The following GRIK2 variants were observed in gnomAD, a reference collection of about 807,000 sequenced individuals.
GRIK2 encodes the protein glutamate receptor ionotropic, kainate 2.
GRIK2 carries 32 observed loss-of-function variants against 100.3 expected under a neutral mutation model. The observed-to-expected ratio is 0.32, with a 90% CI of 0.24 to 0.43. GRIK2 has a LOEUF of 0.43. GRIK2 is among the 20% of genes least tolerant of loss of function. The pLI is 1.00. For synonymous variants in GRIK2, 417 were observed against 389.4 expected (o/e 1.07, Z -0.83); for missense variants, 843 against 1,114.9 (o/e 0.76, Z 3.47).
At chr6:101,614,118 T>C (rs1779797459) in intron 2 of GRIK2, among the ~76,000 whole-genome samples, 1 of 151,634 alleles carries the variant, frequency 6.6e-6, no homozygotes, top group Non-Finnish European at 1.5e-5. Flanking sequence ...ATTTACAGAT[T>C]GTATGATTCT....
At chr6:101,975,871 CTGTCATCTATTTAATCTA>C (rs1399427320) in intron 14 of GRIK2, among the ~76,000 whole-genome samples, 1 of 151,708 alleles carries the variant, frequency 6.6e-6, no homozygotes, top group Non-Finnish European at 1.5e-5. Flanking sequence ...ATCCATTCAA[CTGTCATCTATTTAATCTA>C]TTTTTCTTTG....
At chr6:101,577,760 A>G (rs969771768) in intron 2 of GRIK2, among the ~76,000 whole-genome samples, 2 of 152,184 alleles carry the variant, frequency 1.3e-5, no homozygotes, top group Non-Finnish European at 2.9e-5. Flanking sequence ...CTCTCCTTAC[A>G]TTGCGTGAAT....
At chr6:101,657,329 G>A (rs754812972) in intron 4 of GRIK2, among the ~76,000 whole-genome samples, 16 of 152,086 alleles carry the variant, frequency 1.1e-4, no homozygotes, top group East Asian at 3.9e-4. Flanking sequence ...CTGTCCTGCC[G>A]CCATGTAAGA....
chr6:101,615,954 C>A (rs1442747697), intron 2 of GRIK2, among the ~76,000 whole-genome samples: 2 of 151,664 alleles, frequency 1.3e-5, no homozygotes, highest in African/African-American at 4.8e-5. Flanking sequence ...AGTATATATG[C>A]CCCTGATTTC....
intron 2 of GRIK2, chr6:101,430,986 C>A: frequency 7.4e-6 from 2 of 269,030 alleles, no homozygotes; most frequent in South Asian, 5.1e-5. Context: ...TAAGTGACCC[C>A]ATCTCCAGAG....
At chr6:101,660,979 T>C (rs1352002420) in intron 4 of GRIK2, among the ~76,000 whole-genome samples, 4 of 152,174 alleles carry the variant, frequency 2.6e-5, no homozygotes, top group African/African-American at 9.6e-5. Context: ...GGAGGCATTC[T>C]GTTCCTTAGC....
At chr6:101,468,441 G>A (rs1209912815) in intron 2 of GRIK2, among the ~76,000 whole-genome samples, 1 of 151,998 alleles carries the variant, frequency 6.6e-6, no homozygotes, top group Non-Finnish European at 1.5e-5. Flanking sequence ...TTTATAGTAT[G>A]TTTTCACTTT....
At chr6:101,703,339 A>C (rs2128353952) in intron 7 of GRIK2, among the ~76,000 whole-genome samples, 1 of 152,024 alleles carries the variant, frequency 6.6e-6, no homozygotes, top group South Asian at 2.1e-4. Flanking sequence ...TAGAAGAAAA[A>C]CAAAAAGAGT....
chr6:101,875,884 G>T (rs999745932), intron 11 of GRIK2, among the ~76,000 whole-genome samples: 3 of 151,738 alleles, frequency 2.0e-5, no homozygotes, highest in African/African-American at 7.2e-5. Context: ...TTCGTGTTTA[G>T]ATTGAACATA....
chr6:101,548,130 G>A lies in GRIK2; in HGVS notation c.116-73819G>A, dbSNP rs1442426622. The stretch of plus-strand genomic sequence containing the variant: ...GCATAAATGTCTTCTTTTGAGAAGT[G>A]TCTGTTCATATCCTTCGCCCACTTT... On this transcript the variant is annotated intron_variant, in intron 2 of 16. Transcript: ENST00000369134. Among the ~76,000 whole-genome samples the A allele has an allele frequency of 2.4e-4, 37 of 152,190 alleles. No homozygotes were observed. The East Asian group carries it at 6.8e-3, about 28-fold the overall frequency.
chr6:101,966,756 A>G (rs1201591240), intron 14 of GRIK2, among the ~76,000 whole-genome samples: 3 of 152,182 alleles, frequency 2.0e-5, no homozygotes, highest in African/African-American at 7.2e-5. Context: ...TAAATCCATC[A>G]AAACTGAGCA....
intron 9 of GRIK2, among the ~76,000 whole-genome samples, chr6:101,817,294 T>C (rs1781692553): frequency 6.6e-6 from 1 of 152,186 alleles, no homozygotes; most frequent in Non-Finnish European, 1.5e-5. Context: ...TGTTAGCATA[T>C]TTAGTTAGAA....
chr6:101,436,533 A>T (rs1172092781), intron 2 of GRIK2, among the ~76,000 whole-genome samples: 1 of 151,974 alleles, frequency 6.6e-6, no homozygotes, highest in Non-Finnish European at 1.5e-5. Flanking sequence ...CCATATTTAG[A>T]TCCTATGATT....
At position 101,621,981 on chromosome 6, in the gene GRIK2, A is replaced by G. The variant is rs1359330199; in HGVS notation, c.148A>G (p.Met50Val). 12 of 1,610,716 alleles carry G rather than the reference A, an allele frequency of 7.5e-6. No homozygotes were observed. The highest frequency in any genetic ancestry group is 1.3e-5 in the African/African-American group (1 of 74,974). The change falls in exon 3 of 17, where the codon ATG (methionine) becomes GTG (valine). Residue 50 changes from methionine to valine, a missense_variant. Met to Val is a conservative substitution (Grantham distance 21). Transcript: ENST00000369134. Reference sequence around the variant, plus strand: ...TTTTGAATATGTGGAATCTGGCCCAATGGGAGCTGAGGAACTTGCATTCAG... The same window carrying G: ...TTTTGAATATGTGGAATCTGGCCCAGTGGGAGCTGAGGAACTTGCATTCAG... The part of the protein sequence containing the change: ...GIFEYVESGP[M>V]GAEELAFRFA...
chr6:101,610,822 C>A, intron 2 of GRIK2, among the ~76,000 whole-genome samples: 1 of 151,538 alleles, frequency 6.6e-6, no homozygotes, highest in East Asian at 1.9e-4. Flanking sequence ...TGCTTTTTAC[C>A]TTCAAATAGT....
intron 2 of GRIK2, among the ~76,000 whole-genome samples, chr6:101,524,422 A>C (rs1480541654): frequency 6.6e-6 from 1 of 151,930 alleles, no homozygotes; most frequent in Admixed American, 6.6e-5. Context: ...CAGATATATA[A>C]TTTCTAAGGG....
At chr6:101,541,502 CAGTT>C (rs1177150486) in intron 2 of GRIK2, among the ~76,000 whole-genome samples, 16 of 151,530 alleles carry the variant, frequency 1.1e-4, no homozygotes, top group African/African-American at 1.5e-4. Context: ...GCAGATAAAA[CAGTT>C]AGTAATTTTC....
At chr6:101,532,780 A>G (rs1234234745) in intron 2 of GRIK2, among the ~76,000 whole-genome samples, 3 of 151,860 alleles carry the variant, frequency 2.0e-5, no homozygotes, top group Non-Finnish European at 4.4e-5. Flanking sequence ...CTAAAGAAGT[A>G]TATGGAAAAT....
chr6:102,052,471 G>A (rs900369316), intron 15 of GRIK2, among the ~76,000 whole-genome samples: 6 of 152,134 alleles, frequency 3.9e-5, no homozygotes, highest in African/African-American at 1.4e-4. Flanking sequence ...TTCAATGCTG[G>A]AAATAGGAAG....
Sources: gnomAD v4.1 joint callset for allele counts (sites outside exome capture counted in the v4.1 genomes callset) on GRCh38, gnomAD v4.1.1 for gene constraint, MANE v1.5 for transcripts, NCBI Gene and HGNC (gene_info 2026-07-23, HGNC 2026-07-21) for gene names.